PCDHAC2: variants seen among roughly 807,000 people sequenced by gnomAD.
PCDHAC2 encodes the protein protocadherin alpha-C2.
In PCDHAC2, 24 loss-of-function variants were observed where a neutral mutation model predicts 63.3. The observed-to-expected ratio is 0.38, with a 90% CI of 0.27 to 0.53. PCDHAC2 has a LOEUF of 0.53. Ranked by LOEUF, PCDHAC2 falls within the 20% of genes least tolerant of loss-of-function variation. The pLI is 0.81. For synonymous variants in PCDHAC2, 569 were observed against 529.4 expected, an observed-to-expected ratio of 1.07 and a Z score of -1.03; for missense variants, 1,181 against 1,275.2, an observed-to-expected ratio of 0.93 and a Z score of 1.12.
intron 3 of PCDHAC2, among the ~76,000 whole-genome samples, chr5:140,989,478 G>A (rs1319813384): frequency 2.0e-5 from 3 of 152,204 alleles, no homozygotes; most frequent in Admixed American, 6.5e-5. Context: ...CTCCTGGGAG[G>A]TGCTTGAACA....
chr5:141,009,563 C>A, intron 3 of PCDHAC2, 64 bp from the exon 4 acceptor site: 1 of 1,571,920 alleles, frequency 6.4e-7, no homozygotes, highest in Non-Finnish European at 8.6e-7. Flanking sequence ...TGTACTCTAC[C>A]AGCAGTGTGG....
At chr5:140,980,284 T>C (rs1226756896) in intron 2 of PCDHAC2, among the ~76,000 whole-genome samples, 6 of 152,182 alleles carry the variant, frequency 3.9e-5, no homozygotes, top group African/African-American at 1.4e-4. Flanking sequence ...TCTTGAAAAG[T>C]ACCAAAGCTA....
chr5:140,999,144 G>A (rs2097848915), intron 3 of PCDHAC2, among the ~76,000 whole-genome samples: 1 of 152,200 alleles, frequency 6.6e-6, no homozygotes, highest in Non-Finnish European at 1.5e-5. Context: ...ACAGCCGGAA[G>A]TCTTCAGTCC....
rs554849478 is a variant in PCDHAC2, at chr5:140,967,908, A to T, written c.1142A>T (p.Asn381Ile). ...CCAGTGCCTGAGAATGCTACACCCA[A>T]CACCATTGTGGCCGTTCTCAGTGTC... Reference protein sequence around the residue: ...YSPVPENATPNTIVAVLSVND... With the variant: ...YSPVPENATPITIVAVLSVND... Residue 381 changes from asparagine to isoleucine, a missense_variant, in exon 1 of 4, where the codon AAC (asparagine) becomes ATC (isoleucine). Asn to Ile is a moderately radical substitution (Grantham distance 149). Around this residue, in one of 3 missense-constraint regions of PCDHAC2, gnomAD observed 968 missense variants for 1,073.5 expected, o/e 0.90. Coordinates refer to ENST00000289269, the MANE Select transcript of PCDHAC2 (RefSeq NM_018899.6). The T allele has an allele frequency of 6.2e-7, 1 of 1,614,138 alleles. No individual in the cohort carries two copies. The highest frequency in any genetic ancestry group is 8.5e-7 in the Non-Finnish European group (1 of 1,180,024).
intron 3 of PCDHAC2, among the ~76,000 whole-genome samples, chr5:141,008,680 T>C (rs2098386787): frequency 6.6e-6 from 1 of 152,220 alleles, no homozygotes; most frequent in Non-Finnish European, 1.5e-5. Flanking sequence ...ATACTTTAGT[T>C]ATTGCATGTA....
Position 141,010,120 on chromosome 5 carries a change from C to T in PCDHAC2, c.*183C>T, listed in dbSNP as rs1554262685. 6.2e-7 allele frequency: 1 copy of T among 1,607,404 alleles called. No homozygotes were observed. Among genetic ancestry groups the T allele is most frequent in the Admixed American group, 1.7e-5 (1 of 58,482 alleles). ...AACAGGTTTTGTCGTAAAAGCTTTACTAAGTCTGGTGTTAACTCTTTCTCT... is the reference window on the plus strand; with the variant it reads ...AACAGGTTTTGTCGTAAAAGCTTTATTAAGTCTGGTGTTAACTCTTTCTCT... On this transcript the variant is annotated 3_prime_UTR_variant, in exon 4 of 4. Coordinates refer to ENST00000289269, the MANE Select transcript of PCDHAC2 (RefSeq NM_018899.6).
At chr5:140,995,352 C>T (rs976879377) in intron 3 of PCDHAC2, among the ~76,000 whole-genome samples, 2 of 152,006 alleles carry the variant, frequency 1.3e-5, no homozygotes, top group Non-Finnish European at 2.9e-5. Context: ...ATGGATAGGT[C>T]GGACAGAGGG....
chr5:140,983,518 C>T (rs1417635641), intron 3 of PCDHAC2, among the ~76,000 whole-genome samples: 1 of 152,130 alleles, frequency 6.6e-6, no homozygotes, highest in African/African-American at 2.4e-5. Context: ...AGACACTGTG[C>T]CAAGTACATT....
chr5:140,992,822 T>G (rs560336634), intron 3 of PCDHAC2, among the ~76,000 whole-genome samples: 6 of 152,240 alleles, frequency 3.9e-5, no homozygotes, highest in Admixed American at 3.3e-4. Flanking sequence ...GATGTGTTTG[T>G]TTTTTGGGAA....
At chr5:140,969,593 T>C (rs2153780223) in intron 1 of PCDHAC2, 1 of 829,524 alleles carries the variant, frequency 1.2e-6, no homozygotes, top group Non-Finnish European at 1.8e-6. Context: ...AGTCTTAATA[T>C]TTAATGCTAA....
intron 3 of PCDHAC2, among the ~76,000 whole-genome samples, chr5:140,999,980 C>A (rs1386394350): frequency 6.6e-6 from 1 of 152,076 alleles, no homozygotes; most frequent in Non-Finnish European, 1.5e-5. Context: ...GCTCTAGCGG[C>A]CTCTGGGTAG....
chr5:140,971,958 CT>C (rs1176007834), intron 1 of PCDHAC2, among the ~76,000 whole-genome samples: 2 of 152,172 alleles, frequency 1.3e-5, no homozygotes, highest in African/African-American at 2.4e-5. Context: ...ACTCCAAAAA[CT>C]TTTTTTCAAT....
intron 2 of PCDHAC2, among the ~76,000 whole-genome samples, chr5:140,979,327 C>T (rs1446940311): frequency 5.9e-5 from 9 of 152,078 alleles, no homozygotes; most frequent in African/African-American, 2.2e-4. Context: ...CTTTCTTTTC[C>T]TCCTTTAAAA....
intron 3 of PCDHAC2, among the ~76,000 whole-genome samples, chr5:140,993,767 G>A (rs115607244): frequency 3.3e-5 from 5 of 152,010 alleles, no homozygotes; most frequent in Non-Finnish European, 7.4e-5. Context: ...TTACAATTGC[G>A]CAGTATTTTG....
chr5:140,993,460 TCTCA>T (rs200310897), intron 3 of PCDHAC2, among the ~76,000 whole-genome samples: 2,027 of 104,544 alleles, frequency 0.019, 23 homozygotes, highest in Admixed American at 0.035. Flanking sequence ...CTTCTTTCTT[TCTCA>T]CACACACACA....
intron 3 of PCDHAC2, among the ~76,000 whole-genome samples, chr5:140,992,857 C>G (rs1234991129): frequency 6.6e-6 from 1 of 152,148 alleles, no homozygotes; most frequent in African/African-American, 2.4e-5. Context: ...ACCAGTTTCA[C>G]TCTAGCTCCC....
intron 1 of PCDHAC2, among the ~76,000 whole-genome samples, chr5:140,973,261 C>G (rs1162687249): frequency 6.6e-6 from 1 of 152,156 alleles, no homozygotes; most frequent in African/African-American, 2.4e-5. Flanking sequence ...TCAGTGGCAC[C>G]TACTTTTATT....
intron 3 of PCDHAC2, among the ~76,000 whole-genome samples, chr5:140,996,976 G>A (rs573896136): frequency 2.6e-5 from 4 of 152,078 alleles, no homozygotes; most frequent in East Asian, 3.9e-4. Flanking sequence ...CTCCCCTTTG[G>A]TGAAGCAACC....
chr5:140,969,418 TTAACAG>T (rs782375088), intron 1 of PCDHAC2, 87 bp downstream of exon 1: 40 of 1,564,272 alleles, frequency 2.6e-5, no homozygotes, highest in Non-Finnish European at 3.4e-5. Context: ...TATTGAGTCA[TTAACAG>T]TGACAAGAGT....
Sources: gnomAD v4.1 joint callset for allele counts (sites outside exome capture counted in the v4.1 genomes callset) on GRCh38, gnomAD v4.1.1 for gene constraint, gnomAD v4.1.1 regional missense constraint, MANE v1.5 for transcripts, NCBI Gene and HGNC (gene_info 2026-07-23, HGNC 2026-07-21) for gene names.